Variants in BRAF observed in about 807,000 individuals in gnomAD.
BRAF encodes B-Raf proto-oncogene, serine/threonine kinase.
BRAF carries 16 observed loss-of-function variants against 104.6 expected under a neutral mutation model. That is an observed-to-expected ratio of 0.15 (90% confidence interval 0.10 to 0.23). The LOEUF (loss-of-function observed/expected upper bound fraction) is 0.23, where lower values mean the gene tolerates loss of function less well. Among genes scored for constraint, BRAF ranks in the 10% least tolerant of loss-of-function variants. The probability of loss-of-function intolerance (pLI) is 1.00; values close to 1 mark genes in which losing one functional copy is unlikely to be tolerated. For synonymous variants in BRAF, 310 were observed against 341.6 expected (o/e 0.91, Z 1.02); for missense variants, 541 against 937.3 (o/e 0.58, Z 5.52).
chr7:140,830,390 G>A (rs1472623786), intron 3 of BRAF, among the ~76,000 whole-genome samples: 1 of 152,070 alleles, frequency 6.6e-6, no homozygotes, highest in Non-Finnish European at 1.5e-5. Context: ...TCAACCCTTT[G>A]GCCTCCAACC....
Position 140,722,625 on chromosome 7 carries a change from A to G in BRAF, c.*3869T>C. The G allele has an allele frequency of 3.8e-6, 4 of 1,053,978 alleles. No individual in the cohort carries two copies. The highest frequency in any genetic ancestry group is 4.6e-6 in the Non-Finnish European group (4 of 872,138). 65.3% of individuals were successfully genotyped at this position (1,053,978 alleles called of 1,614,324 possible). A position where few individuals can be genotyped will look rare whatever the true frequency, so the allele number is the denominator to read the frequency against. ...GGTATTCCTAGCACTAACAATGCCAACTTGGACAAAGAAGAGAATCTTGCA... is the reference window on the plus strand; with the variant it reads ...GGTATTCCTAGCACTAACAATGCCAGCTTGGACAAAGAAGAGAATCTTGCA... On this transcript the variant is annotated 3_prime_UTR_variant, in exon 20 of 20. Transcript: ENST00000644969.
At chr7:140,741,739 A>T (rs1436066511) in intron 17 of BRAF, 1 of 152,084 alleles carries the variant, frequency 6.6e-6, no homozygotes, top group African/African-American at 2.4e-5. Flanking sequence ...AGGGTGGATC[A>T]TGAGGTCTAG....
chr7:140,892,416 A>C (rs922309418), intron 1 of BRAF, among the ~76,000 whole-genome samples: 1 of 152,238 alleles, frequency 6.6e-6, no homozygotes, highest in Non-Finnish European at 1.5e-5. Flanking sequence ...TTTTAGATGA[A>C]TCCCTTAATA....
downstream of BRAF, among the ~76,000 whole-genome samples, chr7:140,716,849 A>G (rs1338358058): frequency 6.6e-6 from 1 of 152,232 alleles, no homozygotes; most frequent in African/African-American, 2.4e-5. Context: ...CTTGGTTCCA[A>G]TTGCCCCTAG....
intron 3 of BRAF, among the ~76,000 whole-genome samples, chr7:140,809,844 A>G (rs1804042921): frequency 6.6e-6 from 1 of 152,146 alleles, no homozygotes; most frequent in South Asian, 2.1e-4. Context: ...ATGGGAAGAG[A>G]GAGACAGAGA....
At chr7:140,774,432 T>C (rs1432934799) in intron 14 of BRAF, among the ~76,000 whole-genome samples, 1 of 152,192 alleles carries the variant, frequency 6.6e-6, no homozygotes, top group East Asian at 1.9e-4. Context: ...TCCAATTTGA[T>C]AATGTTCTTC....
chr7:140,732,287 G>A (rs923576245), intron 19 of BRAF: 1 of 132,674 alleles, frequency 7.5e-6, no homozygotes, highest in East Asian at 2.6e-4. Flanking sequence ...AAGAACAAAT[G>A]TTCTTTTGTT....
intron 1 of BRAF, among the ~76,000 whole-genome samples, chr7:140,874,350 C>T (rs953937023): frequency 9.9e-5 from 15 of 151,592 alleles, no homozygotes; most frequent in South Asian, 8.4e-4. Flanking sequence ...TACAGGCACG[C>T]GCCACCATGT....
intron 9 of BRAF, chr7:140,785,831 G>A (rs758122447): frequency 2.5e-6 from 1 of 398,884 alleles, no homozygotes; most frequent in Non-Finnish European, 4.4e-6. Context: ...AAAGAGAGGG[G>A]CAGGCAAACA....
chr7:140,816,240 T>C (rs963919776), intron 3 of BRAF, among the ~76,000 whole-genome samples: 2 of 152,190 alleles, frequency 1.3e-5, no homozygotes, highest in South Asian at 2.1e-4. Flanking sequence ...TGTACCAATA[T>C]GTAAAAGGTA....
rs187356128 is a variant in BRAF at position 140,837,629 on chromosome 7, G to T, written c.241-2757C>A. Among the ~76,000 whole-genome samples the T allele has an allele frequency of 3.3e-5, 5 of 152,252 alleles. No homozygotes were observed. In the East Asian group the frequency reaches 9.6e-4, roughly 29 times the overall value. On this transcript the variant is annotated intron_variant, in intron 2 of 19. Transcript: ENST00000644969. ...ACTGTTGGAGAAAATAATAAAACTG[G>T]TCTAATTAGTTCTATGATCAATTTA...
chr7:140,809,983 C>T (rs1804067969), intron 3 of BRAF, among the ~76,000 whole-genome samples: 1 of 152,120 alleles, frequency 6.6e-6, no homozygotes, highest in South Asian at 2.1e-4. Flanking sequence ...GTGTAGACTA[C>T]AGTGAGGCAG....
intron 1 of BRAF, among the ~76,000 whole-genome samples, chr7:140,903,726 G>C (rs1378021281): frequency 6.6e-6 from 1 of 152,184 alleles, no homozygotes; most frequent in African/African-American, 2.4e-5. Context: ...ATGCCATAAA[G>C]AACATTTGTA....
chr7:140,777,192 GC>G, intron 13 of BRAF, 104 bp from the exon 13 acceptor site: 1 of 1,248,414 alleles, frequency 8.0e-7, no homozygotes, highest in Non-Finnish European at 1.1e-6. Context: ...GTCAGAAAAA[GC>G]TTTTTTTTTT....
chr7:140,793,879 G>A (rs1455454576), intron 8 of BRAF, among the ~76,000 whole-genome samples: 1 of 152,116 alleles, frequency 6.6e-6, no homozygotes, highest in Non-Finnish European at 1.5e-5. Flanking sequence ...ACCCATCTTG[G>A]CCTCCCAAAG....
chr7:140,777,189 A>G (rs1375137398), intron 13 of BRAF, 101 bp from the exon 13 acceptor site: 1 of 1,329,824 alleles, frequency 7.5e-7, no homozygotes, highest in Non-Finnish European at 1.0e-6. Context: ...GTTGTCAGAA[A>G]AAGCTTTTTT....
At chr7:140,753,529 T>C in intron 15 of BRAF, 136 bp from the exon 15 acceptor site, 1 of 636,524 alleles carries the variant, frequency 1.6e-6, no homozygotes, top group Non-Finnish European at 2.8e-6. Context: ...ACTTCATCTT[T>C]CCTCTTAGAG....
At chr7:140,824,973 CTTTT>C (rs201596326) in intron 3 of BRAF, among the ~76,000 whole-genome samples, 7,209 of 139,866 alleles carry the variant, frequency 0.052, 295 homozygotes, top group South Asian at 0.18. Flanking sequence ...GTTGTTTTTT[CTTTT>C]TTTTTTTTTT....
At chr7:140,920,122 T>C (rs934237735) in intron 1 of BRAF, among the ~76,000 whole-genome samples, 1 of 152,052 alleles carries the variant, frequency 6.6e-6, no homozygotes, top group Non-Finnish European at 1.5e-5. Context: ...TAGTAAGAGC[T>C]ACTGACAAAA....
Sources: allele counts gnomAD v4.1 joint callset (sites outside exome capture counted in the v4.1 genomes callset), GRCh38; gene constraint gnomAD v4.1.1; transcripts MANE v1.5; gene names NCBI Gene and HGNC (gene_info 2026-07-23, HGNC 2026-07-21).